Variants in STX8 observed in about 807,000 individuals in gnomAD.
STX8 encodes syntaxin 8.
Under a neutral mutation model 37.5 loss-of-function variants are expected in STX8, and 23 were observed. The observed-to-expected ratio is 0.61, with a 90% CI of 0.44 to 0.87. STX8 has a LOEUF of 0.87. STX8 is among the 40% of genes least tolerant of loss of function. The pLI is 0.00. For synonymous variants in STX8, 115 were observed against 99.1 expected (o/e 1.16, Z -0.95); for missense variants, 313 against 284.7 (o/e 1.10, Z -0.71).
intron 7 of STX8, chr17:9,273,408 T>C (rs1334511564): frequency 6.6e-6 from 1 of 152,062 alleles, no homozygotes; most frequent in African/African-American, 2.4e-5. Context: ...CCTCTGCAGG[T>C]TTAACTAAGA....
At chr17:9,416,079 G>A (rs973440051) in intron 6 of STX8, among the ~76,000 whole-genome samples, 2 of 152,190 alleles carry the variant, frequency 1.3e-5, no homozygotes, top group South Asian at 2.1e-4. Flanking sequence ...CTATCTCCAA[G>A]TGTCTCCAGA....
At chr17:9,421,392 C>CAA (rs1555525649) in intron 6 of STX8, among the ~76,000 whole-genome samples, 7 of 56,760 alleles carry the variant, frequency 1.2e-4, no homozygotes, top group African/African-American at 4.0e-4. Flanking sequence ...AACTCCATCT[C>CAA]AAAAAAAAAA....
intron 7 of STX8, among the ~76,000 whole-genome samples, chr17:9,325,545 A>C (rs561692179): frequency 6.6e-6 from 1 of 152,326 alleles, no homozygotes; most frequent in African/African-American, 2.4e-5. Context: ...TGCTGTTGCC[A>C]TCTTGACATT....
intron 7 of STX8, among the ~76,000 whole-genome samples, chr17:9,279,264 C>A (rs1907795218): frequency 1.3e-5 from 2 of 152,026 alleles, no homozygotes. Context: ...ACCATGTTGG[C>A]CAGGCTGGTC....
chr17:9,416,304 G>C (rs1913189617), intron 6 of STX8, among the ~76,000 whole-genome samples: 1 of 117,078 alleles, frequency 8.5e-6, no homozygotes, highest in Non-Finnish European at 1.7e-5. Flanking sequence ...AGCCTCTCAG[G>C]CTGGCTGTCC....
At chr17:9,570,196 T>C (rs11870037) in intron 1 of STX8, among the ~76,000 whole-genome samples, 2,273 of 152,216 alleles carry the variant, frequency 0.015, 62 homozygotes, top group African/African-American at 0.052. Flanking sequence ...CTGAGGGAAC[T>C]TGATAAGTGT....
At chr17:9,379,974 AAAAAG>A (rs1222850585) in intron 6 of STX8, among the ~76,000 whole-genome samples, 6 of 152,124 alleles carry the variant, frequency 3.9e-5, no homozygotes, top group Non-Finnish European at 5.9e-5. Flanking sequence ...TCTCAAAAAA[AAAAAG>A]AAAAGAATCC....
At chr17:9,425,129 T>C (rs971499690) in intron 6 of STX8, among the ~76,000 whole-genome samples, 1 of 152,222 alleles carries the variant, frequency 6.6e-6, no homozygotes, top group African/African-American at 2.4e-5. Context: ...TCAAATCTTC[T>C]ATATTAAATA....
chr17:9,322,911 A>AC (rs1161170437), intron 7 of STX8, among the ~76,000 whole-genome samples: 1 of 151,686 alleles, frequency 6.6e-6, no homozygotes, highest in Non-Finnish European at 1.5e-5. Context: ...GAAAAAAAAA[A>AC]ACACAAACAC....
intron 1 of STX8, among the ~76,000 whole-genome samples, chr17:9,574,260 G>C (rs1907803788): frequency 6.8e-6 from 1 of 147,070 alleles, no homozygotes; most frequent in South Asian, 2.1e-4. Context: ...GACAGACAGA[G>C]CAAGACTCCG....
At chr17:9,536,636 T>A (rs1031084059) in intron 4 of STX8, among the ~76,000 whole-genome samples, 4 of 152,152 alleles carry the variant, frequency 2.6e-5, no homozygotes, top group African/African-American at 9.7e-5. Context: ...CTGGTGTTCA[T>A]CACACTTCTA....
At chr17:9,491,995 A>G (rs1906872212) in intron 5 of STX8, 74 bp from the exon 6 acceptor site, 1 of 1,004,666 alleles carries the variant, frequency 1.0e-6, no homozygotes, top group Non-Finnish European at 1.5e-6. Context: ...ATACCCAGGC[A>G]TATAACACAA....
At chr17:9,566,088 T>C (rs1907449577) in intron 2 of STX8, among the ~76,000 whole-genome samples, 1 of 152,116 alleles carries the variant, frequency 6.6e-6, no homozygotes, top group Admixed American at 6.6e-5. Context: ...CCAGTATCTA[T>C]AAGGAACTTA....
At chr17:9,531,117 AC>A (rs1462780294) in intron 4 of STX8, among the ~76,000 whole-genome samples, 1 of 152,122 alleles carries the variant, frequency 6.6e-6, no homozygotes, top group Non-Finnish European at 1.5e-5. Flanking sequence ...CTGCTTCTGA[AC>A]CCTCTCTTTT....
chr17:9,388,504 A>C (rs1187545909), intron 6 of STX8, among the ~76,000 whole-genome samples: 1 of 151,842 alleles, frequency 6.6e-6, no homozygotes, highest in Non-Finnish European at 1.5e-5. Flanking sequence ...CTACAATTTG[A>C]CATAAACATA....
intron 3 of STX8, chr17:9,553,915 G>C (rs190500308): frequency 6.6e-6 from 1 of 152,284 alleles, no homozygotes. Context: ...CTAGTTGTGG[G>C]GTCCTGGGTA....
intron 5 of STX8, among the ~76,000 whole-genome samples, chr17:9,497,850 A>G (rs942563684): frequency 6.6e-6 from 1 of 152,218 alleles, no homozygotes. Flanking sequence ...TGAAATGTAC[A>G]ACACTTGTTT....
chr17:9,528,778 G>T (rs941827116), intron 4 of STX8, among the ~76,000 whole-genome samples: 1 of 151,794 alleles, frequency 6.6e-6, no homozygotes, highest in Non-Finnish European at 1.5e-5. Context: ...TTAGAAAGAG[G>T]TATTAAAAGC....
At chr17:9,406,609 T>C (rs2142327288) in intron 6 of STX8, among the ~76,000 whole-genome samples, 1 of 152,366 alleles carries the variant, frequency 6.6e-6, no homozygotes, top group East Asian at 1.9e-4. Context: ...TGCATCTGTT[T>C]TGATAAATTT....
Sources: allele counts gnomAD v4.1 joint callset (sites outside exome capture counted in the v4.1 genomes callset), GRCh38; gene constraint gnomAD v4.1.1; transcripts MANE v1.5; gene names NCBI Gene and HGNC (gene_info 2026-07-23, HGNC 2026-07-21).